MEIOB: variants seen among roughly 807,000 people sequenced by gnomAD.
The protein encoded by MEIOB is meiosis-specific with OB domain-containing protein.
A neutral mutation model predicts 53.1 loss-of-function variants in MEIOB; 50 were observed. The ratio of observed to expected loss-of-function variants is 0.94; its 90% CI spans 0.75 to 1.19. The LOEUF is 1.19. Among genes scored for constraint, MEIOB ranks in the 50% most tolerant of loss-of-function variants. The pLI is 0.00. For missense variants in MEIOB, 551 were observed against 550.8 expected (o/e 1.00, Z 0.00); for synonymous variants, 192 against 182.5 (o/e 1.05, Z -0.42).
In MEIOB at chr16:1,834,937, C is replaced by A. The variant is rs562691778; in HGVS notation, c.1306-571G>T. Among the ~76,000 whole-genome samples the A allele has an allele frequency of 1.0e-3, 122 of 116,994 alleles. 1 individual carries two copies. The highest frequency in any genetic ancestry group is 3.9e-3 in the Middle Eastern group (1 of 256). The allele number at this position is 116,994 out of a possible 152,430, so 76.8% of individuals were successfully genotyped here. On this transcript the variant is annotated intron_variant, in intron 13 of 13. Coordinates refer to ENST00000325962, the MANE Select transcript of MEIOB (RefSeq NM_001163560.3). ...GCAACTAGAGCGAAACTCTGTCCCC[C>A]CCACCCCCCCCCACTAAAAAAAATG...
At chr16:1,862,952 A>G (rs986864985) in intron 3 of MEIOB, among the ~76,000 whole-genome samples, 1 of 151,910 alleles carries the variant, frequency 6.6e-6, no homozygotes, top group South Asian at 2.1e-4. Flanking sequence ...AAAATTGGCC[A>G]GGCACAACAG....
intron 2 of MEIOB, among the ~76,000 whole-genome samples, 193 bp from the exon 3 acceptor site, chr16:1,866,028 T>G (rs1316498849): frequency 6.6e-6 from 1 of 152,208 alleles, no homozygotes; most frequent in Non-Finnish European, 1.5e-5. Context: ...TAGTATAAAG[T>G]AATCCAAAAG....
intron 4 of MEIOB, 140 bp downstream of exon 4, chr16:1,861,845 C>CT: frequency 1.1e-6 from 1 of 901,412 alleles, no homozygotes; most frequent in Non-Finnish European, 1.6e-6. Context: ...GCATTATACT[C>CT]TTAACACTTG....
rs574493642 is a variant in MEIOB, at chr16:1,842,777, C to T, written c.881-804G>A. On this transcript the variant is annotated intron_variant, in intron 10 of 13. Coordinates refer to ENST00000325962, the MANE Select transcript of MEIOB (RefSeq NM_001163560.3). The stretch of plus-strand genomic sequence containing the variant: ...CTCCCAGGTTCATGCCATTCTCCTG[C>T]CTCAGCCTCCCGAGTAGCTGGCACT... Among the ~76,000 whole-genome samples the T allele has an allele frequency of 2.0e-5, 3 of 150,960 alleles. No individual in the cohort carries two copies. In the East Asian group the frequency reaches 6.1e-4, roughly 31 times the overall value.
intron 9 of MEIOB, among the ~76,000 whole-genome samples, chr16:1,852,091 T>C (rs192834645): frequency 2.0e-5 from 3 of 152,150 alleles, no homozygotes; most frequent in Admixed American, 6.6e-5. Flanking sequence ...GAGAGTACTG[T>C]GTGCACGCAT....
At chr16:1,863,583 A>C (rs1436276102) in intron 3 of MEIOB, among the ~76,000 whole-genome samples, 2 of 151,598 alleles carry the variant, frequency 1.3e-5, no homozygotes, top group Admixed American at 1.3e-4. Context: ...ACGGGGTTTC[A>C]CCATGTTGGC....
intron 3 of MEIOB, among the ~76,000 whole-genome samples, chr16:1,863,596 T>C (rs1899511728): frequency 6.6e-6 from 1 of 151,654 alleles, no homozygotes; most frequent in Non-Finnish European, 1.5e-5. Flanking sequence ...ATGTTGGCCA[T>C]GCTGGTCTCG....
chr16:1,847,183 C>A (rs1464458678), intron 9 of MEIOB, among the ~76,000 whole-genome samples: 1 of 150,842 alleles, frequency 6.6e-6, no homozygotes, highest in Admixed American at 6.6e-5. Flanking sequence ...ATTTTTGGGC[C>A]GGGCGCTGTG....
chr16:1,870,333 T>C (rs1251142973), intron 1 of MEIOB, among the ~76,000 whole-genome samples: 2 of 152,082 alleles, frequency 1.3e-5, no homozygotes, highest in Admixed American at 6.6e-5. Flanking sequence ...CTCTAAAAGG[T>C]TCTATTGTAG....
intron 9 of MEIOB, among the ~76,000 whole-genome samples, 195 bp downstream of exon 9, chr16:1,852,843 AC>A (rs559973344): frequency 2.9e-4 from 44 of 152,376 alleles, no homozygotes; most frequent in African/African-American, 1.1e-3. Flanking sequence ...GGCATGAGCC[AC>A]CACGTCCGAC....
At chr16:1,869,918 A>G (rs976583898) in intron 1 of MEIOB, among the ~76,000 whole-genome samples, 5 of 134,312 alleles carry the variant, frequency 3.7e-5, no homozygotes, top group African/African-American at 1.4e-4. Flanking sequence ...GTCGCCCAGG[A>G]TGGAGTGCAG....
rs540530562 is a variant in MEIOB, at chr16:1,834,373, G to A, written c.1306-7C>T. On this transcript the variant is annotated splice_polypyrimidine_tract_variant and splice_region_variant and intron_variant, in intron 13 of 13. Coordinates refer to ENST00000325962, the MANE Select transcript of MEIOB (RefSeq NM_001163560.3). Reference sequence around the variant, plus strand: ...CTCTGTGTGATAGAACGAACTGCGAGGAGAAACAGAAAAAGAGACAAAAGG... The same window carrying A: ...CTCTGTGTGATAGAACGAACTGCGAAGAGAAACAGAAAAAGAGACAAAAGG... 4.1e-6 allele frequency: 6 copies of A among 1,470,506 alleles called. No individual in the cohort carries two copies. The East Asian group carries it at 6.8e-5, about 17-fold the overall frequency. 91.1% of individuals were successfully genotyped at this position (1,470,506 alleles called of 1,614,324 possible). A position where few individuals can be genotyped will look rare whatever the true frequency, so the allele number is the denominator to read the frequency against.
At chr16:1,848,564 A>T (rs1165535047) in intron 9 of MEIOB, among the ~76,000 whole-genome samples, 1 of 117,638 alleles carries the variant, frequency 8.5e-6, no homozygotes. Context: ...TTTTTTGGAG[A>T]CAGAGTCTCA....
chr16:1,849,555 A>AAAAAAAAAAAAC (rs1899111050), intron 9 of MEIOB, among the ~76,000 whole-genome samples: 4 of 150,836 alleles, frequency 2.7e-5, no homozygotes, highest in Non-Finnish European at 5.9e-5. Context: ...CAAAAAAAAA[A>AAAAAAAAAAAAC]AACACCTAGA....
intron 6 of MEIOB, among the ~76,000 whole-genome samples, chr16:1,856,504 A>G (rs1376789168): frequency 1.3e-5 from 2 of 152,042 alleles, no homozygotes; most frequent in Non-Finnish European, 2.9e-5. Context: ...TATTTTTAGT[A>G]GAGACGGGGT....
At chr16:1,855,444 GA>G (rs990115925) in intron 6 of MEIOB, among the ~76,000 whole-genome samples, 1 of 149,056 alleles carries the variant, frequency 6.7e-6, no homozygotes, top group Admixed American at 6.7e-5. Flanking sequence ...ATCTCAAAAA[GA>G]AAAAAAAAGT....
intron 11 of MEIOB, 36 bp from the exon 12 acceptor site, chr16:1,839,474 C>A: frequency 6.5e-7 from 1 of 1,543,458 alleles, no homozygotes; most frequent in South Asian, 1.2e-5. Flanking sequence ...AAATGTGATG[C>A]CCTAAGCTAC....
At chr16:1,863,521 G>A (rs1430549722) in intron 3 of MEIOB, among the ~76,000 whole-genome samples, 1 of 151,810 alleles carries the variant, frequency 6.6e-6, no homozygotes, top group African/African-American at 2.4e-5. Context: ...CAAGTAGCTG[G>A]GACTACAGGC....
chr16:1,850,586 G>T (rs1379956577), intron 9 of MEIOB, among the ~76,000 whole-genome samples: 3 of 139,978 alleles, frequency 2.1e-5, no homozygotes, highest in South Asian at 2.3e-4. Flanking sequence ...AAAAAAAAAA[G>T]AATAATAAAC....
Sources: gnomAD v4.1 joint callset for allele counts (sites outside exome capture counted in the v4.1 genomes callset) on GRCh38, gnomAD v4.1.1 for gene constraint, MANE v1.5 for transcripts, NCBI Gene and HGNC (gene_info 2026-07-23, HGNC 2026-07-21) for gene names.